The following RBFOX1 variants were observed in gnomAD, a reference collection of about 807,000 sequenced individuals.
The protein encoded by RBFOX1 is RNA binding fox-1 homolog 1.
Under a neutral mutation model 57.7 loss-of-function variants are expected in RBFOX1, and 8 were observed. The observed-to-expected ratio is 0.14, with a 90% CI of 0.08 to 0.25. The LOEUF (loss-of-function observed/expected upper bound fraction) is 0.25, where lower values mean the gene tolerates loss of function less well. Among genes scored for constraint, RBFOX1 ranks in the 10% least tolerant of loss-of-function variants. The pLI, the probability that RBFOX1 is intolerant of heterozygous loss-of-function variation, is 1.00. For synonymous variants in RBFOX1, 326 were observed against 222.4 expected (o/e 1.47, Z -4.15); for missense variants, 611 against 548.5 (o/e 1.11, Z -1.14).
chr16:5,920,410 G>T (rs942696800), intron 4 of RBFOX1, among the ~76,000 whole-genome samples: 1 of 152,106 alleles, frequency 6.6e-6, no homozygotes, highest in Admixed American at 6.5e-5. Context: ...TGCTCTTAGC[G>T]TTTGTGTACA....
At chr16:5,919,761 A>G (rs2058780542) in intron 4 of RBFOX1, among the ~76,000 whole-genome samples, 1 of 152,210 alleles carries the variant, frequency 6.6e-6, no homozygotes, top group Admixed American at 6.5e-5. Flanking sequence ...CATACCCGTT[A>G]GGAGTGACTC....
At chr16:6,999,344 G>T (rs1015751377) in intron 3 of RBFOX1, among the ~76,000 whole-genome samples, 1 of 151,008 alleles carries the variant, frequency 6.6e-6, no homozygotes, top group Non-Finnish European at 1.5e-5. Flanking sequence ...GGCATGAGCC[G>T]TTGTGCCTGG....
At chr16:5,987,586 C>A (rs1438592558) in intron 4 of RBFOX1, among the ~76,000 whole-genome samples, 1 of 152,078 alleles carries the variant, frequency 6.6e-6, no homozygotes, top group African/African-American at 2.4e-5. Context: ...GCCTGTTTTT[C>A]TAGGTACTCG....
intron 1 of RBFOX1, among the ~76,000 whole-genome samples, chr16:6,186,912 C>G (rs1440635643): frequency 2.6e-5 from 4 of 152,124 alleles, no homozygotes; most frequent in African/African-American, 9.7e-5. Context: ...AATCTTCGCT[C>G]AATACTCTCG....
intron 3 of RBFOX1, among the ~76,000 whole-genome samples, chr16:6,978,860 C>T (rs577450941): frequency 6.6e-6 from 1 of 152,182 alleles, no homozygotes; most frequent in Non-Finnish European, 1.5e-5. Context: ...AGAGCTGCTT[C>T]ATTGCATTTT....
chr16:6,701,999 C>T (rs996100974), intron 3 of RBFOX1, among the ~76,000 whole-genome samples: 2 of 152,096 alleles, frequency 1.3e-5, no homozygotes, highest in African/African-American at 4.8e-5. Context: ...GGGTACTATG[C>T]TTATTACCTG....
chr16:7,030,878 G>T (rs1227907527), intron 3 of RBFOX1, among the ~76,000 whole-genome samples: 6 of 152,216 alleles, frequency 3.9e-5, no homozygotes, highest in Admixed American at 3.9e-4. Context: ...GGGAGATAAG[G>T]ATAGGGAAAT....
intron 3 of RBFOX1, among the ~76,000 whole-genome samples, chr16:5,737,261 A>G (rs1309239220): frequency 2.0e-5 from 3 of 152,086 alleles, no homozygotes; most frequent in Non-Finnish European, 4.4e-5. Context: ...AGGCAGGTGA[A>G]TCACTTGAGG....
chr16:7,341,208 A>C (rs1196040683), intron 4 of RBFOX1, among the ~76,000 whole-genome samples: 1 of 152,168 alleles, frequency 6.6e-6, no homozygotes, highest in African/African-American at 2.4e-5. Flanking sequence ...TTCACTGCTG[A>C]GCCCTAAGAG....
At chr16:7,206,137 C>G (rs1279371518) in intron 4 of RBFOX1, among the ~76,000 whole-genome samples, 1 of 152,162 alleles carries the variant, frequency 6.6e-6, no homozygotes, top group Non-Finnish European at 1.5e-5. Context: ...GAAACATAAT[C>G]TTGTACACAC....
At position 6,454,340 on chromosome 16, in the gene RBFOX1, T is replaced by A. The variant is rs566360198; in HGVS notation, c.-64+137283T>A. Reference sequence around the variant, plus strand: ...GGGAGGTCAAGGCAGGTGAATCTCTTAAGCCCAGGAGTTTAAGACCAGCCT... The same window carrying A: ...GGGAGGTCAAGGCAGGTGAATCTCTAAAGCCCAGGAGTTTAAGACCAGCCT... On this transcript the variant is annotated intron_variant, in intron 2 of 15. Transcript: ENST00000550418. Among the ~76,000 whole-genome samples, 52 of 152,244 alleles carry A rather than the reference T, an allele frequency of 3.4e-4. No homozygotes were observed. In the South Asian group the frequency reaches 0.01, roughly 30 times the overall value.
chr16:5,719,548 A>C (rs190665096), intron 3 of RBFOX1, among the ~76,000 whole-genome samples: 82 of 152,002 alleles, frequency 5.4e-4, no homozygotes, highest in Non-Finnish European at 9.4e-4. Context: ...CCCACCCATT[A>C]AGCAGTAACT....
chr16:7,132,562 G>A (rs1272694381), intron 4 of RBFOX1, among the ~76,000 whole-genome samples: 1 of 151,166 alleles, frequency 6.6e-6, no homozygotes, highest in Non-Finnish European at 1.5e-5. Context: ...AATGGTGAGA[G>A]GCACACATGT....
intron 3 of RBFOX1, among the ~76,000 whole-genome samples, chr16:6,841,001 T>G (rs73534687): frequency 0.29 from 44,213 of 152,016 alleles, 8,839 homozygotes; most frequent in East Asian, 0.74. Flanking sequence ...ACACTGAATC[T>G]GCCAGCACCT....
At chr16:6,737,058 G>A (rs1021959774) in intron 3 of RBFOX1, among the ~76,000 whole-genome samples, 2 of 152,170 alleles carry the variant, frequency 1.3e-5, no homozygotes, top group Admixed American at 6.5e-5. Flanking sequence ...CATCTACCAT[G>A]TGTCAGATAC....
intron 5 of RBFOX1, among the ~76,000 whole-genome samples, chr16:7,568,881 TCAA>T (rs2092443253): frequency 6.5e-5 from 2 of 30,658 alleles, no homozygotes; most frequent in South Asian, 8.5e-4. Context: ...AGACTCTGTC[TCAA>T]AAAAAAAAAA....
intron 3 of RBFOX1, among the ~76,000 whole-genome samples, chr16:5,713,823 C>G (rs912538127): frequency 1.2e-4 from 19 of 152,132 alleles, no homozygotes; most frequent in African/African-American, 4.1e-4. Context: ...GAGGGCTTGA[C>G]CATGTAGACA....
intron 2 of RBFOX1, among the ~76,000 whole-genome samples, chr16:6,545,704 A>T (rs1194708288): frequency 6.6e-6 from 1 of 152,216 alleles, no homozygotes; most frequent in Non-Finnish European, 1.5e-5. Flanking sequence ...GCATTGCTGA[A>T]TAAAAGGTGC....
Position 5,952,823 on chromosome 16 carries a change from G to C in RBFOX1, c.351+85488G>C, listed in dbSNP as rs148919368. Among the ~76,000 whole-genome samples, 22 of 152,256 alleles carry C rather than the reference G, an allele frequency of 1.4e-4. No homozygotes were observed. In the East Asian group the frequency reaches 3.7e-3, roughly 25 times the overall value. On this transcript the variant is annotated intron_variant, in intron 4 of 19. Transcript: ENST00000641259. Reference sequence around the variant, plus strand: ...AGGACAAGGCCTCCCATACTGACCTGATGACCAGAGTAACCCGAGACTTGG... The same window carrying C: ...AGGACAAGGCCTCCCATACTGACCTCATGACCAGAGTAACCCGAGACTTGG...
Sources: gnomAD v4.1 joint callset for allele counts (sites outside exome capture counted in the v4.1 genomes callset) on GRCh38, gnomAD v4.1.1 for gene constraint, MANE v1.5 for transcripts, NCBI Gene and HGNC (gene_info 2026-07-23, HGNC 2026-07-21) for gene names.